SNW1: variants seen among roughly 807,000 people sequenced by gnomAD.
SNW1 encodes SNW domain containing 1.
A neutral mutation model predicts 75.6 loss-of-function variants in SNW1; 9 were observed. The ratio of observed to expected loss-of-function variants is 0.12; its 90% CI spans 0.07 to 0.21. SNW1 has a LOEUF of 0.21. Ranked by LOEUF, SNW1 falls within the 10% of genes least tolerant of loss-of-function variation. The pLI is 1.00. For synonymous variants in SNW1, 200 were observed against 219.1 expected, an observed-to-expected ratio of 0.91 and a Z score of 0.77; for missense variants, 409 against 670.9, an observed-to-expected ratio of 0.61 and a Z score of 4.31.
At position 77,751,327 on chromosome 14, in the gene SNW1, T is replaced by C. The variant is rs1298035837; in HGVS notation, c.322A>G (p.Lys108Glu). ...YDAIARQGQSKDKVIYSKYTD... is the reference protein window; with the variant it reads ...YDAIARQGQSEDKVIYSKYTD... The stretch of plus-strand genomic sequence containing the variant: ...AAACATGAGAGGATTACCTTGTCTT[T>C]TGACTGTCCTTGTCGAGCAATTGCA... The change falls in exon 3 of 14, where the codon AAA becomes GAA. Residue 108 changes from lysine to glutamate, a missense_variant. Physicochemically the swap from Lys to Glu is moderately conservative, Grantham distance 56. Transcript: ENST00000261531. The C allele has an allele frequency of 1.9e-6, 3 of 1,611,140 alleles. No individual in the cohort carries two copies. The highest frequency in any genetic ancestry group is 1.7e-5 in the Admixed American group (1 of 59,256).
At chr14:77,719,825 T>G (rs897673715) in intron 12 of SNW1, among the ~76,000 whole-genome samples, 7 of 148,122 alleles carry the variant, frequency 4.7e-5, no homozygotes, top group Admixed American at 1.3e-4. Flanking sequence ...ATGCCAAGAA[T>G]ATAAAATGCA....
At chr14:77,752,285 T>C (rs966712790) in intron 2 of SNW1, among the ~76,000 whole-genome samples, 10 of 152,202 alleles carry the variant, frequency 6.6e-5, no homozygotes, top group African/African-American at 2.4e-4. Context: ...ATGAGTTTAC[T>C]ACATTTCTAC....
intron 11 of SNW1, 42 bp downstream of exon 11, chr14:77,723,139 G>A (rs764803722): frequency 6.6e-6 from 10 of 1,504,918 alleles, no homozygotes; most frequent in East Asian, 2.3e-5. Context: ...GAACCACTGC[G>A]CCCGGCCACC....
chr14:77,752,990 G>A (rs1268237333), intron 2 of SNW1, among the ~76,000 whole-genome samples: 1 of 132,972 alleles, frequency 7.5e-6, no homozygotes, highest in Non-Finnish European at 1.7e-5. Flanking sequence ...GGATTTGCTA[G>A]AGTTTTTCAA....
intron 10 of SNW1, among the ~76,000 whole-genome samples, chr14:77,724,380 T>C (rs2080567654): frequency 6.6e-6 from 1 of 152,230 alleles, no homozygotes; most frequent in African/African-American, 2.4e-5. Context: ...TTAACTATTC[T>C]TCTCTTCTAG....
intron 1 of SNW1, among the ~76,000 whole-genome samples, chr14:77,756,454 A>G (rs1489663600): frequency 2.0e-5 from 3 of 152,178 alleles, no homozygotes; most frequent in Admixed American, 2.0e-4. Flanking sequence ...CATTTTTACC[A>G]TTATGCTCCT....
intron 3 of SNW1, among the ~76,000 whole-genome samples, chr14:77,745,008 T>C (rs1208373451): frequency 5.3e-5 from 8 of 152,212 alleles, no homozygotes; most frequent in Admixed American, 5.2e-4. Flanking sequence ...TATTATTTGC[T>C]GAACAAACAC....
chr14:77,757,712 G>T (rs747659427), intron 1 of SNW1, among the ~76,000 whole-genome samples: 25 of 152,198 alleles, frequency 1.6e-4, no homozygotes, highest in Admixed American at 2.6e-4. Flanking sequence ...CAGCTCTGCA[G>T]GAATCACGCC....
At position 77,735,791 on chromosome 14, in the gene SNW1, A is replaced by G. The variant is rs2080666441; in HGVS notation, c.708+146T>C. The G allele has an allele frequency of 6.9e-5, 41 of 593,698 alleles. No homozygotes were observed. In the South Asian group the frequency reaches 8.9e-4, roughly 13 times the overall value. 36.8% of individuals were successfully genotyped at this position (593,698 alleles called of 1,614,324 possible). On this transcript the variant is annotated intron_variant, in intron 7 of 13. Coordinates refer to ENST00000261531, the MANE Select transcript of SNW1 (RefSeq NM_012245.3). The stretch of plus-strand genomic sequence containing the variant: ...CTAACATGTTATATACATTCTCATA[A>G]GCATTCTTGAAACTTCATCTTGAAA...
At chr14:77,738,658 G>T in intron 5 of SNW1, 120 bp downstream of exon 5, 1 of 700,314 alleles carries the variant, frequency 1.4e-6, no homozygotes. Flanking sequence ...CAGGCTTTGA[G>T]TCATTATTGA....
At position 77,732,929 on chromosome 14, in the gene SNW1, G is replaced by A. The variant is rs571720786; in HGVS notation, c.775-328C>T. On this transcript the variant is annotated intron_variant, in intron 8 of 13. Transcript: ENST00000261531. ...TCCGCCCTTGGCCTCCCAAAGTGCT[G>A]GGATTACAGGCATGAGCCATCGAGC... is the stretch of plus-strand genomic sequence containing the variant. Among the ~76,000 whole-genome samples the A allele has an allele frequency of 5.9e-5, 9 of 152,300 alleles. No homozygotes were observed. The East Asian group carries it at 1.7e-3, about 29-fold the overall frequency.
chr14:77,739,094 A>G (rs1208675917), intron 3 of SNW1, 33 bp from the exon 4 acceptor site: 1 of 1,535,894 alleles, frequency 6.5e-7, no homozygotes, highest in African/African-American at 1.4e-5. Flanking sequence ...GGCTTAAGAA[A>G]AGCAAACAAC....
chr14:77,718,572 G>T (rs1172808783), intron 12 of SNW1, 42 bp from the exon 13 acceptor site: 1 of 1,332,556 alleles, frequency 7.5e-7, no homozygotes, highest in South Asian at 1.3e-5. Flanking sequence ...TGTAAACATT[G>T]TTTATCAAAA....
chr14:77,753,885 G>A (rs1466865357), intron 2 of SNW1, among the ~76,000 whole-genome samples: 6 of 151,528 alleles, frequency 4.0e-5, no homozygotes, highest in East Asian at 2.0e-4. Context: ...CCCAGGAGGC[G>A]AAGGCTGCAG....
intron 3 of SNW1, among the ~76,000 whole-genome samples, chr14:77,745,733 A>G (rs892433580): frequency 6.6e-6 from 1 of 151,774 alleles, no homozygotes; most frequent in Admixed American, 6.6e-5. Context: ...TCTTCTTAAC[A>G]ACCACCTTGG....
chr14:77,720,850 C>A (rs778473929), intron 11 of SNW1, 22 bp from the exon 12 acceptor site: 3 of 1,478,994 alleles, frequency 2.0e-6, no homozygotes, highest in South Asian at 1.1e-5. Context: ...TACGACATCA[C>A]TAACTGAAAA....
intron 10 of SNW1, among the ~76,000 whole-genome samples, chr14:77,725,297 G>C (rs958341430): frequency 6.6e-6 from 1 of 152,178 alleles, no homozygotes; most frequent in South Asian, 2.1e-4. Flanking sequence ...GGCCTCTTCA[G>C]TCTGTTGACT....
chr14:77,753,367 A>G (rs780142952), intron 2 of SNW1, among the ~76,000 whole-genome samples: 4 of 152,210 alleles, frequency 2.6e-5, no homozygotes, highest in Non-Finnish European at 5.9e-5. Flanking sequence ...TAATGCCTCA[A>G]CAGAGACACT....
intron 10 of SNW1, among the ~76,000 whole-genome samples, chr14:77,729,744 G>T (rs186965567): frequency 6.6e-6 from 1 of 152,190 alleles, no homozygotes; most frequent in African/African-American, 2.4e-5. Context: ...CTTGGCAGTA[G>T]TGAATATTTC....
Sources: allele counts gnomAD v4.1 joint callset (sites outside exome capture counted in the v4.1 genomes callset), GRCh38; gene constraint gnomAD v4.1.1; transcripts MANE v1.5; gene names NCBI Gene and HGNC (gene_info 2026-07-23, HGNC 2026-07-21).